Variants in ATP9B observed in about 807,000 individuals in gnomAD.
ATP9B encodes ATPase phospholipid transporting 9B.
A neutral mutation model predicts 146.1 loss-of-function variants in ATP9B; 110 were observed. The ratio of observed to expected loss-of-function variants is 0.75; its 90% CI spans 0.65 to 0.88. The LOEUF (loss-of-function observed/expected upper bound fraction) is 0.88. Among genes scored for constraint, ATP9B ranks in the 40% least tolerant of loss-of-function variants. ATP9B has a pLI of 0.00. For synonymous variants in ATP9B, 604 were observed against 569.7 expected, an observed-to-expected ratio of 1.06 and a Z score of -0.86; for missense variants, 1,499 against 1,496.4, an observed-to-expected ratio of 1.00 and a Z score of -0.03.
chr18:79,259,617 C>T (rs911953230), intron 12 of ATP9B, among the ~76,000 whole-genome samples: 7 of 152,150 alleles, frequency 4.6e-5, no homozygotes, highest in Non-Finnish European at 8.8e-5. Flanking sequence ...AGCCTCCAAC[C>T]CAGTGAGCGT....
At chr18:79,372,218 CGT>C (rs2097075798) in intron 26 of ATP9B, among the ~76,000 whole-genome samples, 2 of 144,660 alleles carry the variant, frequency 1.4e-5, no homozygotes, top group South Asian at 2.3e-4. Context: ...CCTGCCCCCT[CGT>C]CCCCTGCCTC....
chr18:79,112,623 T>G (rs1206114451), intron 3 of ATP9B, among the ~76,000 whole-genome samples: 1 of 152,192 alleles, frequency 6.6e-6, no homozygotes, highest in Non-Finnish European at 1.5e-5. Flanking sequence ...TTTTATCATT[T>G]TTAATGTTTT....
At chr18:79,348,217 G>A in intron 25 of ATP9B, 21 bp downstream of exon 25, 1 of 1,360,998 alleles carries the variant, frequency 7.3e-7, no homozygotes, top group South Asian at 1.2e-5. Context: ...CTCAGAACCT[G>A]CCAGCTCATC....
At chr18:79,307,442 C>T (rs775389720) in intron 15 of ATP9B, 26 of 662,074 alleles carry the variant, frequency 3.9e-5, no homozygotes, top group Non-Finnish European at 5.2e-5. Context: ...AATGTGCGGC[C>T]GCCACATCTC....
intron 9 of ATP9B, among the ~76,000 whole-genome samples, chr18:79,203,927 A>G (rs1051277552): frequency 3.3e-5 from 5 of 152,228 alleles, no homozygotes; most frequent in Non-Finnish European, 5.9e-5. Flanking sequence ...TTAGACTGTA[A>G]CACCATTTGT....
At chr18:79,149,657 A>G (rs2094650425) in intron 6 of ATP9B, among the ~76,000 whole-genome samples, 1 of 152,156 alleles carries the variant, frequency 6.6e-6, no homozygotes, top group Non-Finnish European at 1.5e-5. Flanking sequence ...TGTAAACCAT[A>G]TATTCAACAA....
intron 11 of ATP9B, among the ~76,000 whole-genome samples, chr18:79,232,006 TG>T (rs1002229090): frequency 6.6e-6 from 1 of 151,842 alleles, no homozygotes; most frequent in East Asian, 1.9e-4. Context: ...TTTGGGGACT[TG>T]GGGGAAAGGG....
chr18:79,221,733 C>T (rs1048216040), intron 11 of ATP9B, among the ~76,000 whole-genome samples: 1 of 151,932 alleles, frequency 6.6e-6, no homozygotes. Flanking sequence ...AACAAACAAA[C>T]AAAACTCCAC....
chr18:79,291,170 T>A (rs1246712688), intron 13 of ATP9B, among the ~76,000 whole-genome samples: 1 of 144,412 alleles, frequency 6.9e-6, no homozygotes, highest in Non-Finnish European at 1.5e-5. Context: ...GAGCTGCAGC[T>A]TTTTTTTTTT....
chr18:79,074,554 A>G (rs1251145316), intron 1 of ATP9B, among the ~76,000 whole-genome samples: 1 of 152,350 alleles, frequency 6.6e-6, no homozygotes, highest in East Asian at 1.9e-4. Flanking sequence ...AGTCTCGGGC[A>G]TGAGGGGCAC....
At chr18:79,273,785 CT>C (rs1242089397) in intron 12 of ATP9B, among the ~76,000 whole-genome samples, 1 of 152,214 alleles carries the variant, frequency 6.6e-6, no homozygotes, top group Non-Finnish European at 1.5e-5. Flanking sequence ...TCCTCAGACA[CT>C]TTTGTAGCTG....
In ATP9B at chr18:79,206,993, A is replaced by C. The variant is rs560676316; in HGVS notation, c.1011A>C (p.Ala337=). ...TCAGCATAGAAAATACATTGTGGGCAAGCACCATTGTTGCATCAGGTAAGG... is the reference window on the plus strand; with the variant it reads ...TCAGCATAGAAAATACATTGTGGGCCAGCACCATTGTTGCATCAGGTAAGG... ...ESLSIENTLW[A]STIVASGTVI... is the part of the protein sequence containing the mutation. The change falls in exon 10 of 30, where the codon GCA becomes GCC. Residue 337 remains alanine, a synonymous_variant. Coordinates refer to ENST00000426216, the MANE Select transcript of ATP9B (RefSeq NM_198531.5). 6.8e-6 allele frequency: 11 copies of C among 1,614,136 alleles called. No homozygotes were observed. In the South Asian group the frequency reaches 8.8e-5, roughly 13 times the overall value.
chr18:79,291,496 A>G (rs1267501235), intron 13 of ATP9B, among the ~76,000 whole-genome samples: 2 of 152,250 alleles, frequency 1.3e-5, no homozygotes, highest in African/African-American at 4.8e-5. Context: ...TTAGCAAGTT[A>G]TGAAATTAAA....
intron 13 of ATP9B, among the ~76,000 whole-genome samples, chr18:79,279,268 G>T (rs2096350381): frequency 1.3e-5 from 2 of 152,178 alleles, no homozygotes. Flanking sequence ...GCACTCACTG[G>T]TTCATGTGCC....
At chr18:79,259,529 G>A (rs1002762097) in intron 12 of ATP9B, among the ~76,000 whole-genome samples, 3 of 152,178 alleles carry the variant, frequency 2.0e-5, no homozygotes, top group African/African-American at 7.2e-5. Context: ...TAAATACAGT[G>A]GCTTTGTTGA....
At chr18:79,371,924 G>A (rs2097073333) in intron 26 of ATP9B, among the ~76,000 whole-genome samples, 1 of 152,246 alleles carries the variant, frequency 6.6e-6, no homozygotes, top group African/African-American at 2.4e-5. Flanking sequence ...AAGAACCTGA[G>A]GAAATCACGG....
chr18:79,312,639 G>T (rs75409746), intron 15 of ATP9B, among the ~76,000 whole-genome samples: 3,624 of 152,346 alleles, frequency 0.024, 66 homozygotes, highest in Middle Eastern at 0.034. Flanking sequence ...CCTTGGCTGT[G>T]TGGGAAGATG....
chr18:79,072,193 T>G (rs1286535802), intron 1 of ATP9B, among the ~76,000 whole-genome samples: 1 of 152,038 alleles, frequency 6.6e-6, no homozygotes, highest in Non-Finnish European at 1.5e-5. Flanking sequence ...TGGGTGTTTC[T>G]CGGAGAGGGG....
intron 9 of ATP9B, among the ~76,000 whole-genome samples, chr18:79,203,864 A>T (rs1455699869): frequency 6.6e-6 from 1 of 152,172 alleles, no homozygotes; most frequent in Non-Finnish European, 1.5e-5. Context: ...TTTCTTCAAC[A>T]GTGTTAGAGG....
Sources: allele counts gnomAD v4.1 joint callset (sites outside exome capture counted in the v4.1 genomes callset), GRCh38; gene constraint gnomAD v4.1.1; transcripts MANE v1.5; gene names NCBI Gene and HGNC (gene_info 2026-07-23, HGNC 2026-07-21).